Variants in USH2A observed in about 807,000 individuals in gnomAD.
USH2A encodes the protein Usher syndrome 2A (autosomal recessive, mild).
Under a neutral mutation model 538.9 loss-of-function variants are expected in USH2A, and 443 were observed. The ratio of observed to expected loss-of-function variants is 0.82; its 90% CI spans 0.76 to 0.89. USH2A has a LOEUF of 0.89. USH2A is among the 40% of genes least tolerant of loss of function. The pLI, the probability that USH2A is intolerant of heterozygous loss-of-function variation, is 0.00. For synonymous variants in USH2A, 2,413 were observed against 2,273.5 expected, an observed-to-expected ratio of 1.06 and a Z score of -1.75; for missense variants, 6,633 against 6,324.8, an observed-to-expected ratio of 1.05 and a Z score of -1.65.
At chr1:216,066,597 C>T (rs569837115) in intron 30 of USH2A, among the ~76,000 whole-genome samples, 51 of 152,266 alleles carry the variant, frequency 3.3e-4, no homozygotes, top group African/African-American at 1.2e-3. Context: ...ACATGTCAAG[C>T]ACTGTGCTAT....
chr1:216,353,314 GTGCTATACAAAC>G (rs2038322099), intron 4 of USH2A, among the ~76,000 whole-genome samples: 1 of 151,980 alleles, frequency 6.6e-6, no homozygotes. Flanking sequence ...AGAGATGCAT[GTGCTATACAAAC>G]TGAACAAACA....
Position 215,623,554 on chromosome 1 carries a change from A to AGAG in USH2A, c.*2224_*2226dup, listed in dbSNP as rs1171505105. The stretch of plus-strand genomic sequence containing the variant: ...ACTTAAAGTAGCAAAGCAACATCTT[A>AGAG]GAGTTCTTCTCTGAAATAAATACAA... On this transcript the variant is annotated 3_prime_UTR_variant, in exon 72 of 72. Transcript: ENST00000307340. 1 of 152,144 alleles carries AGAG rather than the reference A, an allele frequency of 6.6e-6. No homozygotes were observed. The allele number at this position is 152,144 out of a possible 1,614,324, so 9.4% of individuals were successfully genotyped here.
At chr1:216,074,112 C>T (rs1023152271) in intron 27 of USH2A, among the ~76,000 whole-genome samples, 5 of 152,312 alleles carry the variant, frequency 3.3e-5, no homozygotes, top group Non-Finnish European at 7.3e-5. Context: ...ACAGAGAATG[C>T]GGATGAAATG....
intron 69 of USH2A, among the ~76,000 whole-genome samples, chr1:215,637,886 A>G (rs906793754): frequency 6.6e-6 from 1 of 152,224 alleles, no homozygotes; most frequent in African/African-American, 2.4e-5. Flanking sequence ...GGAATTTAAA[A>G]TAGGATATCA....
intron 61 of USH2A, among the ~76,000 whole-genome samples, chr1:215,708,099 G>A (rs1659234471): frequency 6.6e-6 from 1 of 152,162 alleles, no homozygotes; most frequent in Admixed American, 6.5e-5. Context: ...ATGTGGAAGG[G>A]AAACATCCTT....
chr1:215,628,734 T>A (rs1656149197), intron 71 of USH2A, 80 bp downstream of exon 71: 4 of 1,468,336 alleles, frequency 2.7e-6, no homozygotes, highest in Middle Eastern at 1.8e-4. Flanking sequence ...GGGGCAGCAT[T>A]CGGTGAAGTA....
chr1:216,182,532 A>C (rs2034514408), intron 20 of USH2A, among the ~76,000 whole-genome samples: 1 of 152,084 alleles, frequency 6.6e-6, no homozygotes, highest in Non-Finnish European at 1.5e-5. Context: ...ACTACAAATT[A>C]AAGTTGGTGA....
intron 30 of USH2A, among the ~76,000 whole-genome samples, chr1:216,058,795 T>C (rs2031073861): frequency 6.6e-6 from 1 of 152,226 alleles, no homozygotes; most frequent in Non-Finnish European, 1.5e-5. Context: ...AACATTAGGT[T>C]AACTATGGGG....
intron 21 of USH2A, among the ~76,000 whole-genome samples, chr1:216,150,005 C>A (rs1161533806): frequency 6.6e-6 from 1 of 152,088 alleles, no homozygotes; most frequent in Admixed American, 6.5e-5. Context: ...AGTAATAACC[C>A]TTATGAGCCT....
chr1:216,153,430 C>CCA (rs2033878736), intron 21 of USH2A, among the ~76,000 whole-genome samples: 1 of 152,128 alleles, frequency 6.6e-6, no homozygotes, highest in Non-Finnish European at 1.5e-5. Flanking sequence ...AGCAGACAAG[C>CCA]CACACCTCTG....
rs17025481 is a variant in USH2A, at chr1:215,837,695, G to A, written c.9371+296C>T. Among the ~76,000 whole-genome samples, 1,812 of 152,140 alleles carry A rather than the reference G, an allele frequency of 0.012. 27 individuals carry two copies. The highest frequency in any genetic ancestry group is 0.045 in the South Asian group (218 of 4,824). On this transcript the variant is annotated intron_variant, in intron 47 of 71. Coordinates refer to ENST00000307340, the MANE Select transcript of USH2A (RefSeq NM_206933.4). ...TACAATTAAGCTTGTATTATGCTCC[G>A]CAAAAGGATTCACTAAAGGACACAT...
At chr1:215,879,135 T>C (rs1448043613) in intron 41 of USH2A, 37 bp from the exon 42 acceptor site, 1 of 1,573,350 alleles carries the variant, frequency 6.4e-7, no homozygotes, top group East Asian at 2.2e-5. Context: ...AGTGTGACGA[T>C]ACAGGAATAG....
chr1:215,733,093 T>C (rs148660427), intron 60 of USH2A, among the ~76,000 whole-genome samples: 2,050 of 151,034 alleles, frequency 0.014, 73 homozygotes, highest in Admixed American at 0.062. Flanking sequence ...AGCATGATGC[T>C]GGCATCTGCT....
intron 56 of USH2A, among the ~76,000 whole-genome samples, chr1:215,761,606 G>T (rs528869172): frequency 6.6e-6 from 1 of 152,286 alleles, no homozygotes; most frequent in African/African-American, 2.4e-5. Flanking sequence ...CCTGCAAAAT[G>T]TTATGCTAAG....
chr1:215,717,171 T>G (rs4655286), intron 61 of USH2A, among the ~76,000 whole-genome samples: 27,801 of 152,086 alleles, frequency 0.18, 2,641 homozygotes, highest in South Asian at 0.32. Context: ...TATTGGCTCT[T>G]AGACAACAAG....
chr1:216,322,327 G>T (rs886878569), intron 8 of USH2A, among the ~76,000 whole-genome samples: 1 of 152,146 alleles, frequency 6.6e-6, no homozygotes, highest in Admixed American at 6.6e-5. Context: ...TTCAGGCTGA[G>T]CACGGTGGCT....
At chr1:216,284,545 T>C (rs1486446028) in intron 11 of USH2A, among the ~76,000 whole-genome samples, 4 of 152,192 alleles carry the variant, frequency 2.6e-5, no homozygotes, top group Non-Finnish European at 5.9e-5. Context: ...GGTTTGTTCT[T>C]ATAGTTGAGT....
At chr1:216,029,718 A>T (rs1262940423) in intron 32 of USH2A, among the ~76,000 whole-genome samples, 1 of 151,804 alleles carries the variant, frequency 6.6e-6, no homozygotes, top group Non-Finnish European at 1.5e-5. Context: ...AATAGTAGTT[A>T]TTATATATAT....
chr1:216,020,290 T>C (rs1360338837), intron 32 of USH2A, among the ~76,000 whole-genome samples: 1 of 152,192 alleles, frequency 6.6e-6, no homozygotes, highest in Non-Finnish European at 1.5e-5. Context: ...TATAAAGTTA[T>C]TATTTAGATG....
Sources: allele counts gnomAD v4.1 joint callset (sites outside exome capture counted in the v4.1 genomes callset), GRCh38; gene constraint gnomAD v4.1.1; transcripts MANE v1.5; gene names NCBI Gene and HGNC (gene_info 2026-07-23, HGNC 2026-07-21).